The following FOXP2 variants were observed in gnomAD, a reference collection of about 807,000 sequenced individuals.
The protein encoded by FOXP2 is forkhead box P2, also known as forkhead box protein P2.
In FOXP2, 12 loss-of-function variants were observed where a neutral mutation model predicts 115.8. The ratio of observed to expected loss-of-function variants is 0.10; its 90% CI spans 0.07 to 0.17. The LOEUF (loss-of-function observed/expected upper bound fraction) is 0.17, where lower values mean the gene tolerates loss of function less well. FOXP2 is among the 10% of genes least tolerant of loss of function. The pLI, the probability that FOXP2 is intolerant of heterozygous loss-of-function variation, is 1.00. For synonymous variants in FOXP2, 328 were observed against 297.7 expected, an observed-to-expected ratio of 1.10 and a Z score of -1.05; for missense variants, 629 against 843.5, an observed-to-expected ratio of 0.75 and a Z score of 3.15.
chr7:114,464,164 G>A (rs767792737), intron 2 of FOXP2, among the ~76,000 whole-genome samples: 7 of 152,152 alleles, frequency 4.6e-5, no homozygotes, highest in Non-Finnish European at 8.8e-5. Flanking sequence ...TTTAGTAAAT[G>A]TGGAGAGCAG....
At chr7:114,572,079 C>A (rs1432514009) in intron 3 of FOXP2, among the ~76,000 whole-genome samples, 2 of 151,660 alleles carry the variant, frequency 1.3e-5, no homozygotes, top group Non-Finnish European at 3.0e-5. Context: ...TAATTTCATA[C>A]TTTGGTTAAA....
intron 3 of FOXP2, among the ~76,000 whole-genome samples, chr7:114,613,178 T>A (rs995574975): frequency 1.3e-5 from 2 of 152,330 alleles, no homozygotes; most frequent in East Asian, 1.9e-4. Flanking sequence ...AGAATTTTTT[T>A]AATTAACAAT....
At chr7:114,584,763 A>G (rs1446163475) in intron 3 of FOXP2, among the ~76,000 whole-genome samples, 5 of 152,136 alleles carry the variant, frequency 3.3e-5, no homozygotes, top group South Asian at 2.1e-4. Context: ...AGTCCCTATC[A>G]TGTCCTGGCT....
intron 2 of FOXP2, among the ~76,000 whole-genome samples, chr7:114,322,208 T>TA (rs1797442092): frequency 6.6e-6 from 1 of 151,728 alleles, no homozygotes; most frequent in Admixed American, 6.6e-5. Flanking sequence ...TTTGTAGTGA[T>TA]AGAGTCTCAC....
chr7:114,683,096 G>T (rs1422692474), intron 16 of FOXP2, among the ~76,000 whole-genome samples: 2 of 152,160 alleles, frequency 1.3e-5, no homozygotes, highest in East Asian at 1.9e-4. Context: ...TTTATGTACA[G>T]CTTTTCCAGC....
chr7:114,429,099 G>A (rs1161024255), intron 2 of FOXP2, among the ~76,000 whole-genome samples: 2 of 151,330 alleles, frequency 1.3e-5, no homozygotes, highest in Non-Finnish European at 3.0e-5. Flanking sequence ...AATTTTTATG[G>A]CTTTTGTACT....
At chr7:114,534,048 C>A (rs1799260987) in intron 2 of FOXP2, among the ~76,000 whole-genome samples, 1 of 151,806 alleles carries the variant, frequency 6.6e-6, no homozygotes, top group South Asian at 2.1e-4. Context: ...CAAATGAAAA[C>A]CACTCAATTT....
chr7:114,302,403 C>T (rs747702709), intron 2 of FOXP2, among the ~76,000 whole-genome samples: 70 of 152,052 alleles, frequency 4.6e-4, no homozygotes, highest in Non-Finnish European at 8.7e-4. Flanking sequence ...TTGCTTCATA[C>T]TTCTCAGTTT....
chr7:114,274,330 A>T, intron 1 of FOXP2, among the ~76,000 whole-genome samples: 1 of 152,108 alleles, frequency 6.6e-6, no homozygotes, highest in East Asian at 1.9e-4. Flanking sequence ...ATGAACTGTT[A>T]TATGTTAGAT....
At chr7:114,511,604 A>C (rs1254180694) in intron 2 of FOXP2, among the ~76,000 whole-genome samples, 1 of 152,144 alleles carries the variant, frequency 6.6e-6, no homozygotes, top group Non-Finnish European at 1.5e-5. Context: ...GGATAAGTTA[A>C]ATTTTAGGGA....
chr7:114,100,065 C>G (rs1341071077), intron 1 of FOXP2, among the ~76,000 whole-genome samples: 1 of 152,042 alleles, frequency 6.6e-6, no homozygotes, highest in Non-Finnish European at 1.5e-5. Flanking sequence ...TAAAAACCTG[C>G]CATGAGTGAA....
At position 114,691,647 on chromosome 7, in the gene FOXP2, A is replaced by C. The variant is rs1349533435; in HGVS notation, c.*1721A>C. The C allele has an allele frequency of 6.6e-6, 3 of 453,866 alleles. No individual in the cohort carries two copies. Among genetic ancestry groups the C allele is most frequent in the Non-Finnish European group, 8.8e-6 (2 of 226,758 alleles). The allele number at this position is 453,866 out of a possible 1,614,324, so 28.1% of individuals were successfully genotyped here. The stretch of plus-strand genomic sequence containing the variant: ...TTTTCATGTGCTGTGCCAAGTCTTG[A>C]TAATACTTTTTCCCCCAACCAAGGG... On this transcript the variant is annotated 3_prime_UTR_variant, in exon 17 of 17. Coordinates refer to ENST00000350908, the MANE Select transcript of FOXP2 (RefSeq NM_014491.4).
At chr7:114,491,095 T>G (rs983551175) in intron 2 of FOXP2, among the ~76,000 whole-genome samples, 16 of 152,330 alleles carry the variant, frequency 1.1e-4, no homozygotes, top group African/African-American at 2.9e-4. Flanking sequence ...ACTTCCACAA[T>G]GGTTGAACTA....
intron 2 of FOXP2, among the ~76,000 whole-genome samples, chr7:114,358,652 C>G (rs1174762548): frequency 6.6e-6 from 1 of 152,078 alleles, no homozygotes; most frequent in Non-Finnish European, 1.5e-5. Context: ...AAAGGTGATT[C>G]TTGATATGCT....
chr7:114,380,358 A>C (rs1430405100), intron 2 of FOXP2, among the ~76,000 whole-genome samples: 1 of 152,078 alleles, frequency 6.6e-6, no homozygotes, highest in African/African-American at 2.4e-5. Flanking sequence ...AGTGAGGGCT[A>C]TTAGTTTTGC....
At chr7:114,273,761 T>G (rs1335836598) in intron 1 of FOXP2, among the ~76,000 whole-genome samples, 1 of 152,106 alleles carries the variant, frequency 6.6e-6, no homozygotes, top group Non-Finnish European at 1.5e-5. Context: ...TACTCCCATT[T>G]ACTTTTGATG....
chr7:114,169,247 G>A (rs1225248065), intron 1 of FOXP2, among the ~76,000 whole-genome samples: 1 of 152,326 alleles, frequency 6.6e-6, no homozygotes, highest in East Asian at 1.9e-4. Flanking sequence ...AAAAGCCACA[G>A]TCACTCAATG....
chr7:114,405,576 TAC>T (rs1793015921), intron 2 of FOXP2, among the ~76,000 whole-genome samples: 1 of 151,916 alleles, frequency 6.6e-6, no homozygotes, highest in Non-Finnish European at 1.5e-5. Flanking sequence ...TGTAATAAGT[TAC>T]AGAGGGAATT....
chr7:114,129,869 T>C (rs1342237593), intron 1 of FOXP2, among the ~76,000 whole-genome samples: 1 of 152,208 alleles, frequency 6.6e-6, no homozygotes, highest in Non-Finnish European at 1.5e-5. Flanking sequence ...AATCAGGTAC[T>C]ACAGAAAAGA....
Sources: allele counts gnomAD v4.1 joint callset (sites outside exome capture counted in the v4.1 genomes callset), GRCh38; gene constraint gnomAD v4.1.1; transcripts MANE v1.5; gene names NCBI Gene and HGNC (gene_info 2026-07-23, HGNC 2026-07-21).